The following TMCC2 variants were observed in gnomAD, a reference collection of about 807,000 sequenced individuals.
TMCC2 encodes the protein transmembrane and coiled-coil domains protein 2.
In TMCC2, 16 loss-of-function variants were observed where a neutral mutation model predicts 49.4. That is an observed-to-expected ratio of 0.32 (90% CI 0.22 to 0.49). The LOEUF (loss-of-function observed/expected upper bound fraction) is 0.49, where lower values mean the gene tolerates loss of function less well. Among genes scored for constraint, TMCC2 ranks in the 20% least tolerant of loss-of-function variants. The probability of loss-of-function intolerance (pLI) is 0.99; values close to 1 mark genes in which losing one functional copy is unlikely to be tolerated. For missense variants in TMCC2, 762 were observed against 989.8 expected, an observed-to-expected ratio of 0.77 and a Z score of 3.09; for synonymous variants, 397 against 434.1, an observed-to-expected ratio of 0.91 and a Z score of 1.06.
At chr1:205,239,514 G>T (rs901061970) in intron 1 of TMCC2, among the ~76,000 whole-genome samples, 1 of 152,204 alleles carries the variant, frequency 6.6e-6, no homozygotes. Context: ...AGATCTCGAG[G>T]GCTGCCCCAG....
intron 2 of TMCC2, chr1:205,257,320 CG>C: frequency 8.1e-7 from 1 of 1,232,182 alleles, no homozygotes; most frequent in Non-Finnish European, 1.0e-6. Context: ...CTCAGAGCCC[CG>C]GGTACCTCAT....
chr1:205,261,614 G>A (rs1375313672), intron 2 of TMCC2, among the ~76,000 whole-genome samples: 1 of 151,460 alleles, frequency 6.6e-6, no homozygotes, highest in African/African-American at 2.4e-5. Flanking sequence ...GGGACGTCGA[G>A]ACTACAGTGA....
In TMCC2 at chr1:205,271,105, C is replaced by G. The variant is rs975698328; in HGVS notation, c.1683-15C>G. ...GGGGAGCCAGGACTGGTGTCACTCTCTCTCCCTCCGCCAGGTACGAGCGGC... is the reference window on the plus strand; with the variant it reads ...GGGGAGCCAGGACTGGTGTCACTCTGTCTCCCTCCGCCAGGTACGAGCGGC... On this transcript the variant is annotated splice_polypyrimidine_tract_variant and intron_variant, in intron 3 of 4. Transcript: ENST00000358024. The G allele has an allele frequency of 1.1e-5, 17 of 1,611,686 alleles. No individual in the cohort carries two copies. Among genetic ancestry groups the G allele is most frequent in the Non-Finnish European group, 1.2e-5 (14 of 1,179,778 alleles).
chr1:205,249,515 G>A (rs143772889), intron 2 of TMCC2, among the ~76,000 whole-genome samples: 17 of 152,334 alleles, frequency 1.1e-4, no homozygotes, highest in African/African-American at 3.8e-4. Flanking sequence ...TCAGCCAGCC[G>A]GCCGTGGGGG....
intron 2 of TMCC2, among the ~76,000 whole-genome samples, chr1:205,266,623 A>C (rs779374886): frequency 1.0e-3 from 152 of 151,516 alleles, no homozygotes; most frequent in Non-Finnish European, 1.9e-3. Context: ...AAAAAAAAAA[A>C]CCGTTAATTT....
chr1:205,266,579 A>C, intron 2 of TMCC2, among the ~76,000 whole-genome samples: 3 of 143,344 alleles, frequency 2.1e-5, no homozygotes, highest in Admixed American at 1.4e-4. Context: ...GGCGACAGAG[A>C]CCCCGTCTCC....
At chr1:205,229,086 A>G (rs1659676803) in intron 1 of TMCC2, 5 of 1,198,608 alleles carry the variant, frequency 4.2e-6, no homozygotes, top group Non-Finnish European at 4.2e-6. Context: ...CAAGATGCTA[A>G]CCAAAAAGTG....
intron 2 of TMCC2, among the ~76,000 whole-genome samples, chr1:205,265,571 T>G (rs1661289149): frequency 6.6e-6 from 1 of 151,562 alleles, no homozygotes; most frequent in East Asian, 1.9e-4. Flanking sequence ...TTCTTTTTTT[T>G]TTTTTTTTGA....
intron 2 of TMCC2, among the ~76,000 whole-genome samples, chr1:205,253,027 G>A (rs117055989): frequency 0.024 from 3,686 of 151,964 alleles, 61 homozygotes; most frequent in East Asian, 0.067. Context: ...CCAGCTACTT[G>A]GGAGGCTGAG....
chr1:205,262,859 T>C (rs1166744282), intron 2 of TMCC2, among the ~76,000 whole-genome samples: 1 of 151,998 alleles, frequency 6.6e-6, no homozygotes, highest in Admixed American at 6.6e-5. Context: ...TTAGATGCTT[T>C]CCTGAGGTTG....
Position 205,269,728 on chromosome 1 carries a change from T to A in TMCC2, c.1526T>A (p.Leu509Gln), listed in dbSNP as rs772454873. Residue 509 changes from leucine to glutamine, a missense_variant, in exon 3 of 5, where the codon CTG (leucine) becomes CAG (glutamine). Physicochemically the swap from Leu to Gln is moderately radical, Grantham distance 113 (BLOSUM62 -2). Around this residue, in one of 2 missense-constraint regions of TMCC2, gnomAD observed 440 missense variants for 636.7 expected, o/e 0.69. Coordinates refer to ENST00000358024, the MANE Select transcript of TMCC2 (RefSeq NM_014858.4). The part of the protein sequence containing the change: ...GALGSPKSNA[L>Q]YGAPGNLDAL... ...CTGGGGAGCCCTAAGTCCAATGCAC[T>A]GTATGGTGCTCCTGGAAACCTGGAT... is the stretch of plus-strand genomic sequence containing the variant. 6.2e-7 allele frequency: 1 copy of A among 1,614,158 alleles called. No individual in the cohort carries two copies. Among genetic ancestry groups the A allele is most frequent in the South Asian group, 1.1e-5 (1 of 91,090 alleles).
At chr1:205,266,416 C>G (rs1661333823) in intron 2 of TMCC2, among the ~76,000 whole-genome samples, 1 of 151,356 alleles carries the variant, frequency 6.6e-6, no homozygotes, top group African/African-American at 2.4e-5. Flanking sequence ...CATGGCGAAA[C>G]TCCATTTCTA....
intron 2 of TMCC2, among the ~76,000 whole-genome samples, chr1:205,265,630 C>T (rs940130532): frequency 8.0e-5 from 12 of 150,564 alleles, no homozygotes; most frequent in East Asian, 4.0e-4. Flanking sequence ...GGCGTGATCT[C>T]GGCTCACTGC....
rs1558645155 is a variant in TMCC2 at position 205,241,559 on chromosome 1, T to C, written c.262T>C (p.Phe88Leu). The C allele has an allele frequency of 1.2e-6, 2 of 1,613,746 alleles. No homozygotes were observed. The change falls in exon 2 of 5, where the codon TTC (phenylalanine) becomes CTC (leucine). Residue 88 changes from phenylalanine (F) to leucine (L), a missense_variant. Phe to Leu is a conservative substitution (Grantham distance 22). Transcript: ENST00000358024. This position sits in a 1 kb window ranked among gnomAD's most constrained non-coding sequence, Gnocchi z 7.3. ...GTTTGGCCACGGTCTGAAGCACCTG[T>C]TCCACAGCCGCCGTCGGTCTCGGGA... ...SMFGHGLKHL[F>L]HSRRRSRERE...
chr1:205,239,534 C>G (rs1431442748), intron 1 of TMCC2, among the ~76,000 whole-genome samples: 2 of 152,196 alleles, frequency 1.3e-5, no homozygotes, highest in Non-Finnish European at 2.9e-5. Context: ...GAATTCAGTT[C>G]TTGAGAAGGA....
chr1:205,269,127 G>C lies in TMCC2; in HGVS notation c.925G>C (p.Ala309Pro). 1 of 1,614,126 alleles carries C rather than the reference G, an allele frequency of 6.2e-7. No individual in the cohort carries two copies. Among genetic ancestry groups the C allele is most frequent in the Non-Finnish European group, 8.5e-7 (1 of 1,180,034 alleles). ...CGAGCAGATCAAGATTGAGCAGGAG[G>C]CTCGCGACGACAATGTGGCAGAGTA... Reference protein sequence around the residue: ...ITEQIKIEQEARDDNVAEYLK... With the variant: ...ITEQIKIEQEPRDDNVAEYLK... The change falls in exon 3 of 5, where the codon GCT becomes CCT. Residue 309 changes from alanine to proline, a missense_variant. Around this residue, in one of 2 missense-constraint regions of TMCC2, gnomAD observed 440 missense variants for 636.7 expected, o/e 0.69. Transcript: ENST00000358024.
At chr1:205,235,007 G>A (rs1251772220) in intron 1 of TMCC2, among the ~76,000 whole-genome samples, 3 of 152,170 alleles carry the variant, frequency 2.0e-5, no homozygotes, top group African/African-American at 7.2e-5. Context: ...CCAAACAAGA[G>A]AAGAGGGGCT....
intron 2 of TMCC2, among the ~76,000 whole-genome samples, chr1:205,252,019 T>G (rs1660690423): frequency 6.6e-6 from 1 of 152,194 alleles, no homozygotes; most frequent in Non-Finnish European, 1.5e-5. Context: ...GAGATGTGGC[T>G]TCCTCTCCGG....
chr1:205,230,996 A>AC (rs1201079316), intron 1 of TMCC2, among the ~76,000 whole-genome samples: 12 of 2,876 alleles, frequency 4.2e-3, no homozygotes, highest in South Asian at 0.023. Flanking sequence ...CCATCCCCCC[A>AC]TCCCCCCCCC....
Sources: gnomAD v4.1 joint callset for allele counts (sites outside exome capture counted in the v4.1 genomes callset) on GRCh38, gnomAD v4.1.1 for gene constraint, gnomAD v4.1.1 regional missense constraint, Gnocchi (gnomAD v3.1) non-coding constraint, MANE v1.5 for transcripts, NCBI Gene and HGNC (gene_info 2026-07-23, HGNC 2026-07-21) for gene names.